Variants in DGKB observed in about 807,000 individuals in gnomAD.
The protein encoded by DGKB is diacylglycerol kinase beta, also known as 90 kDa diacylglycerol kinase.
A neutral mutation model predicts 114.3 loss-of-function variants in DGKB; 67 were observed. The ratio of observed to expected loss-of-function variants is 0.59; its 90% CI spans 0.48 to 0.72. The LOEUF is 0.72. DGKB is among the 30% of genes least tolerant of loss of function. The pLI is 0.00. For missense variants in DGKB, 907 were observed against 975.2 expected, an observed-to-expected ratio of 0.93 and a Z score of 0.93; for synonymous variants, 398 against 323.1, an observed-to-expected ratio of 1.23 and a Z score of -2.49.
At chr7:14,905,060 C>A (rs146110259), upstream of DGKB, among the ~76,000 whole-genome samples, 5 of 152,024 alleles carry the variant, frequency 3.3e-5, no homozygotes, top group African/African-American at 1.2e-4. Context: ...TACCTTTACT[C>A]CCATTTTGAA....
intron 20 of DGKB, among the ~76,000 whole-genome samples, chr7:14,484,790 T>A (rs1277016632): frequency 6.6e-6 from 1 of 152,082 alleles, no homozygotes; most frequent in Non-Finnish European, 1.5e-5. Context: ...CATCAAGAAT[T>A]AGACAATAAA....
At chr7:14,532,719 T>G (rs1424755686) in intron 20 of DGKB, among the ~76,000 whole-genome samples, 3 of 151,632 alleles carry the variant, frequency 2.0e-5, no homozygotes, top group African/African-American at 7.2e-5. Context: ...TCTTAATATT[T>G]GATAAGACCG....
chr7:14,581,018 G>C, intron 18 of DGKB, 67 bp from the exon 19 acceptor site: 1 of 1,115,604 alleles, frequency 9.0e-7, no homozygotes, highest in Non-Finnish European at 1.3e-6. Context: ...GAAATAAAAA[G>C]ATAGCCTGAT....
chr7:14,618,518 T>G (rs183113976), intron 15 of DGKB, among the ~76,000 whole-genome samples: 2 of 151,694 alleles, frequency 1.3e-5, no homozygotes, highest in Non-Finnish European at 3.0e-5. Context: ...TTTCTTCACA[T>G]GTGGGAGAGC....
At chr7:14,489,097 T>C (rs1031201089) in intron 20 of DGKB, among the ~76,000 whole-genome samples, 1 of 152,178 alleles carries the variant, frequency 6.6e-6, no homozygotes, top group African/African-American at 2.4e-5. Flanking sequence ...TTTACTAAGA[T>C]GATCATAGGC....
chr7:14,659,018 G>T (rs978589238), intron 13 of DGKB, among the ~76,000 whole-genome samples: 1 of 151,716 alleles, frequency 6.6e-6, no homozygotes, highest in Admixed American at 6.6e-5. Flanking sequence ...CCATCATCTA[G>T]GTTTCAAGCC....
At chr7:14,618,311 G>A (rs1278657208) in intron 15 of DGKB, among the ~76,000 whole-genome samples, 3 of 151,576 alleles carry the variant, frequency 2.0e-5, no homozygotes, top group Non-Finnish European at 3.0e-5. Flanking sequence ...GCAGTTTTGT[G>A]AGGAAAGACA....
intron 21 of DGKB, among the ~76,000 whole-genome samples, chr7:14,468,300 T>C (rs1780777686): frequency 1.3e-5 from 2 of 152,018 alleles, no homozygotes; most frequent in African/African-American, 4.8e-5. Context: ...TCTAATTAGT[T>C]TAGAGGGTCT....
chr7:14,674,978 T>G (rs1819601825), intron 12 of DGKB, among the ~76,000 whole-genome samples: 1 of 152,084 alleles, frequency 6.6e-6, no homozygotes, highest in Non-Finnish European at 1.5e-5. Context: ...CCCAGTACTA[T>G]GAAAACGGCA....
intron 1 of DGKB, among the ~76,000 whole-genome samples, chr7:14,935,532 C>T (rs750245617): frequency 6.6e-6 from 1 of 152,152 alleles, no homozygotes; most frequent in Non-Finnish European, 1.5e-5. Flanking sequence ...TCATAGTAAT[C>T]ATAAATAGCA....
intron 1 of DGKB, among the ~76,000 whole-genome samples, chr7:14,946,794 T>C (rs1785907083): frequency 6.6e-6 from 1 of 151,838 alleles, no homozygotes; most frequent in South Asian, 2.1e-4. Flanking sequence ...TTTACCACTG[T>C]ATCTGTACTA....
At chr7:14,955,392 C>G (rs770498214) in intron 1 of DGKB, among the ~76,000 whole-genome samples, 58 of 151,944 alleles carry the variant, frequency 3.8e-4, no homozygotes, top group African/African-American at 1.3e-3. Flanking sequence ...TTTCTCTTAT[C>G]GTATACACTT....
chr7:14,223,449 T>C (rs1253474426), intron 23 of DGKB, among the ~76,000 whole-genome samples: 3 of 151,766 alleles, frequency 2.0e-5, no homozygotes, highest in Admixed American at 1.3e-4. Context: ...ATTACATCTA[T>C]AAATGTTACA....
intron 23 of DGKB, among the ~76,000 whole-genome samples, chr7:14,316,123 C>G (rs2128519308): frequency 6.6e-6 from 1 of 151,670 alleles, no homozygotes; most frequent in Admixed American, 6.6e-5. Context: ...CTCTGGGATG[C>G]ATTCAAAGCA....
intron 1 of DGKB, among the ~76,000 whole-genome samples, chr7:14,966,929 T>A (rs943730761): frequency 6.6e-6 from 1 of 152,164 alleles, no homozygotes; most frequent in Non-Finnish European, 1.5e-5. Context: ...TCTAAAGCTC[T>A]TTCAAATTTC....
intron 21 of DGKB, among the ~76,000 whole-genome samples, chr7:14,399,095 G>A (rs1257936675): frequency 2.6e-5 from 4 of 151,632 alleles, no homozygotes; most frequent in South Asian, 4.2e-4. Context: ...ATATGTATCC[G>A]AGTTGAATTT....
intron 20 of DGKB, among the ~76,000 whole-genome samples, chr7:14,547,746 A>T (rs542737818): frequency 1.3e-5 from 2 of 152,288 alleles, no homozygotes; most frequent in East Asian, 3.9e-4. Context: ...AAAACACATG[A>T]CAGCTAAAAG....
At chr7:14,238,555 T>C (rs1484078350) in intron 23 of DGKB, among the ~76,000 whole-genome samples, 2 of 148,214 alleles carry the variant, frequency 1.3e-5, no homozygotes, top group African/African-American at 5.1e-5. Context: ...AAGAATAACT[T>C]TTCTTAGAGT....
intron 23 of DGKB, among the ~76,000 whole-genome samples, chr7:14,196,638 T>G (rs1393105867): frequency 6.6e-6 from 1 of 152,116 alleles, no homozygotes; most frequent in East Asian, 1.9e-4. Flanking sequence ...ACAATCTCCT[T>G]TGTCATTTCG....
Sources: gnomAD v4.1 joint callset for allele counts (sites outside exome capture counted in the v4.1 genomes callset) on GRCh38, gnomAD v4.1.1 for gene constraint, MANE v1.5 for transcripts, NCBI Gene and HGNC (gene_info 2026-07-23, HGNC 2026-07-21) for gene names.